ZNF44: variants seen among roughly 807,000 people sequenced by gnomAD.
The protein encoded by ZNF44 is zinc finger protein 44.
Under a neutral mutation model 11.7 loss-of-function variants are expected in ZNF44, and 9 were observed. The ratio of observed to expected loss-of-function variants is 0.77; its 90% CI spans 0.46 to 1.35. The LOEUF is 1.35. Ranked by LOEUF, ZNF44 falls within the 40% of genes most tolerant of loss-of-function variation. The probability of loss-of-function intolerance (pLI) is 0.00; values close to 1 mark genes in which losing one functional copy is unlikely to be tolerated. For synonymous variants in ZNF44, 224 were observed against 242.7 expected (o/e 0.92, Z 0.72); for missense variants, 696 against 743.1 (o/e 0.94, Z 0.74).
At chr19:12,229,615 A>G (rs1050778882) in intron 3 of ZNF44, among the ~76,000 whole-genome samples, 2 of 138,068 alleles carry the variant, frequency 1.4e-5, no homozygotes, top group East Asian at 2.1e-4. Flanking sequence ...AGGAAGAAAG[A>G]TATTTTTTTT....
intron 2 of ZNF44, among the ~76,000 whole-genome samples, chr19:12,232,019 G>A (rs2145675473): frequency 6.6e-6 from 1 of 152,340 alleles, no homozygotes; most frequent in Admixed American, 6.5e-5. Flanking sequence ...ATTTGTGGGT[G>A]TTTCTCCAAG....
chr19:12,239,578 T>G, upstream of ZNF44, among the ~76,000 whole-genome samples: 1 of 139,416 alleles, frequency 7.2e-6, no homozygotes, highest in African/African-American at 2.7e-5. Flanking sequence ...ATTTTTTTTT[T>G]TTTTTTTTTT....
At chr19:12,268,897 C>T (rs1052572763), downstream of ZNF44, among the ~76,000 whole-genome samples, 3 of 152,276 alleles carry the variant, frequency 2.0e-5, no homozygotes, top group East Asian at 5.8e-4. Context: ...GCGTGCACCA[C>T]TACCCCAACT....
exon 6 of ZNF44, chr19:12,250,267 T>C (rs1276411634): frequency 7.3e-7 from 1 of 1,365,244 alleles, no homozygotes; most frequent in Non-Finnish European, 9.8e-7. Flanking sequence ...TCCTGAAGGT[T>C]TCCCACATCA....
Position 12,231,750 on chromosome 19 carries a change from T to C in ZNF44, n.381-1235A>G, listed in dbSNP as rs1249153866. Among the ~76,000 whole-genome samples the C allele has an allele frequency of 2.0e-5, 3 of 152,340 alleles. No homozygotes were observed. In the East Asian group the frequency reaches 5.8e-4, roughly 29 times the overall value. On this transcript the variant is annotated intron_variant and non_coding_transcript_variant, in intron 2 of 3. Transcript: ENST00000597563. ...ACAACTATTAAACGCTGATCTCAGA[T>C]AGTATTGTTAGAAAGGAGAGAAAAC...
At chr19:12,278,049 G>C (rs532853043) in intron 1 of ZNF44, among the ~76,000 whole-genome samples, 2 of 152,298 alleles carry the variant, frequency 1.3e-5, no homozygotes, top group African/African-American at 4.8e-5. Context: ...CCCAAATCTA[G>C]CCATAAACAA....
At chr19:12,249,515 A>C (rs1423660273) in intron 7 of ZNF44, among the ~76,000 whole-genome samples, 1 of 151,536 alleles carries the variant, frequency 6.6e-6, no homozygotes, top group Non-Finnish European at 1.5e-5. Flanking sequence ...CAGAAAAAAA[A>C]AAAAAAAAAA....
downstream of ZNF44, chr19:12,242,723 G>A (rs1194420515): frequency 6.6e-6 from 1 of 151,234 alleles, no homozygotes; most frequent in Non-Finnish European, 1.5e-5. Flanking sequence ...ATGGTAGTGT[G>A]CACCTGTAGT....
chr19:12,228,470 A>G (rs2145672116), intron 3 of ZNF44, among the ~76,000 whole-genome samples: 1 of 152,320 alleles, frequency 6.6e-6, no homozygotes, highest in Non-Finnish European at 1.5e-5. Flanking sequence ...AAAGCAGGCA[A>G]GTTGTACAGG....
chr19:12,250,232 T>G, intron 6 of ZNF44: 7 of 1,355,640 alleles, frequency 5.2e-6, no homozygotes, highest in Non-Finnish European at 6.9e-6. Flanking sequence ...TGGAATGATT[T>G]CATTTTTACC....
In ZNF44 at chr19:12,272,715, T is replaced by C. The variant is rs1967005595; in HGVS notation, c.1540A>G (p.Ser514Gly). Residue 514 changes from serine (S) to glycine (G), a missense_variant, in exon 4 of 4, where the codon AGT becomes GGT. Ser to Gly is a moderately conservative substitution (Grantham distance 56). Coordinates refer to ENST00000355684, the MANE Select transcript of ZNF44 (RefSeq NM_016264.4). ...YECQICGKAF[S>G]RFSYLKTHER... ...TGAGTTTTTAAGTAACTGAAACGAC[T>C]GAAGGCTTTGCCACAAATTTGACAC... 1.2e-6 allele frequency: 2 copies of C among 1,613,584 alleles called. No individual in the cohort carries two copies.
chr19:12,247,399 C>G, downstream of ZNF44: 2 of 1,310,248 alleles, frequency 1.5e-6, no homozygotes, highest in Non-Finnish European at 2.0e-6. Flanking sequence ...ACTCGAAAGC[C>G]TGTAAGGAAA....
In ZNF44 at chr19:12,274,023, T is replaced by A; in HGVS notation, c.232A>T (p.Ser78Cys). The A allele has an allele frequency of 6.2e-7, 1 of 1,613,602 alleles. No individual in the cohort carries two copies. The highest frequency in any genetic ancestry group is 8.5e-7 in the Non-Finnish European group (1 of 1,179,620). ...TGGCTTAAGGTTTCTCCACACTGACTACCATCTTTACTTTTACCAAATCTC... is the reference window on the plus strand; with the variant it reads ...TGGCTTAAGGTTTCTCCACACTGACAACCATCTTTACTTTTACCAAATCTC... Reference protein sequence around the residue: ...VERFGKSKDGSQCGETLSQIR... With the variant: ...VERFGKSKDGCQCGETLSQIR... Residue 78 changes from serine to cysteine, a missense_variant, in exon 4 of 4, where the codon AGT becomes TGT. By Grantham distance (112) the Ser-to-Cys change is moderately radical (BLOSUM62 -1). Coordinates refer to ENST00000355684, the MANE Select transcript of ZNF44 (RefSeq NM_016264.4).
At position 12,232,566 on chromosome 19, in the gene ZNF44, A is replaced by C. The variant is rs181581799; in HGVS notation, n.381-2051T>G. On this transcript the variant is annotated intron_variant and non_coding_transcript_variant, in intron 2 of 3. Coordinates refer to the ZNF44 transcript ENST00000597563. ...GACTCTTAACGAGCATGCTGCCTTCAAGCATCTGTTTAACAAAGCACATCT... is the reference window on the plus strand; with the variant it reads ...GACTCTTAACGAGCATGCTGCCTTCCAGCATCTGTTTAACAAAGCACATCT... Among the ~76,000 whole-genome samples, 560 of 152,300 alleles carry C rather than the reference A, an allele frequency of 3.7e-3. 11 individuals carry two copies. In the East Asian group the frequency reaches 0.041, roughly 11 times the overall value.
downstream of ZNF44, chr19:12,247,586 T>C (rs768749873): frequency 1.2e-5 from 16 of 1,334,694 alleles, no homozygotes; most frequent in Middle Eastern, 2.1e-4. Flanking sequence ...TAATGTATGT[T>C]TTCCCACATT....
intron 3 of ZNF44, among the ~76,000 whole-genome samples, chr19:12,228,215 A>ACCTAC (rs1916002625): frequency 1.3e-5 from 2 of 151,934 alleles, no homozygotes; most frequent in South Asian, 4.1e-4. Flanking sequence ...TTAACTTTTT[A>ACCTAC]ATGTAGGTAA....
chr19:12,230,087 T>G (rs2098894657), intron 3 of ZNF44, among the ~76,000 whole-genome samples: 1 of 152,208 alleles, frequency 6.6e-6, no homozygotes, highest in African/African-American at 2.4e-5. Flanking sequence ...GTGCCATTTT[T>G]GGGCCATCAG....
downstream of ZNF44, among the ~76,000 whole-genome samples, chr19:12,271,098 G>T (rs1348931919): frequency 6.6e-6 from 1 of 152,136 alleles, no homozygotes; most frequent in Non-Finnish European, 1.5e-5. Context: ...ATTAAGAAGA[G>T]GAGCAGTGCC....
chr19:12,240,605 G>C (rs1916582620), upstream of ZNF44, among the ~76,000 whole-genome samples: 1 of 152,018 alleles, frequency 6.6e-6, no homozygotes, highest in Admixed American at 6.6e-5. Context: ...TACTGTGTAG[G>C]GACAGACATA....
Sources: gnomAD v4.1 joint callset for allele counts (sites outside exome capture counted in the v4.1 genomes callset) on GRCh38, gnomAD v4.1.1 for gene constraint, MANE v1.5 for transcripts, NCBI Gene and HGNC (gene_info 2026-07-23, HGNC 2026-07-21) for gene names.